EFR3A: variants seen among roughly 807,000 people sequenced by gnomAD.
The protein encoded by EFR3A is EFR3 homolog A, also known as protein EFR3 homolog A.
In EFR3A, 76 loss-of-function variants were observed where a neutral mutation model predicts 104.4. The ratio of observed to expected loss-of-function variants is 0.73; its 90% CI spans 0.60 to 0.88. The LOEUF is 0.88. EFR3A is among the 40% of genes least tolerant of loss of function. The pLI, the probability that EFR3A is intolerant of heterozygous loss-of-function variation, is 0.00. For missense variants in EFR3A, 985 were observed against 1,012.5 expected (o/e 0.97, Z 0.37); for synonymous variants, 330 against 330.0 (o/e 1.00, Z 0.00).
intron 1 of EFR3A, among the ~76,000 whole-genome samples, chr8:131,909,221 G>A (rs571025469): frequency 7.0e-4 from 106 of 152,242 alleles, no homozygotes; most frequent in African/African-American, 2.3e-3. Flanking sequence ...TACCATAACC[G>A]GAACTTTTTT....
chr8:131,907,647 TAA>T (rs1391704799), intron 1 of EFR3A, among the ~76,000 whole-genome samples: 1 of 152,248 alleles, frequency 6.6e-6, no homozygotes, highest in Non-Finnish European at 1.5e-5. Flanking sequence ...GAATGAATTA[TAA>T]AAGAGGGTTG....
In EFR3A at chr8:131,904,248, C is replaced by T. The variant is rs1008241693; in HGVS notation, c.-65C>T. 3.1e-6 allele frequency: 4 copies of T among 1,279,596 alleles called. No individual in the cohort carries two copies. The highest frequency in any genetic ancestry group is 3.1e-5 in the African/African-American group (2 of 64,770). The allele number at this position is 1,279,596 out of a possible 1,614,324, so 79.3% of individuals were successfully genotyped here. A position where few individuals can be genotyped will look rare whatever the true frequency, so the allele number is the denominator to read the frequency against. On this transcript the variant is annotated 5_prime_UTR_variant, in exon 1 of 23. Coordinates refer to ENST00000254624, the MANE Select transcript of EFR3A (RefSeq NM_015137.6). ...CGGCCCAGCAACGGCCGTCATGGTG[C>T]CGTCGGCGCTCCCTGCGCGGCCCCG...
At chr8:131,946,421 A>G (rs372635740) in intron 3 of EFR3A, 62 bp from the exon 4 acceptor site, 1 of 1,384,516 alleles carries the variant, frequency 7.2e-7, no homozygotes. Context: ...TTCCAATGTA[A>G]AGCACTTAGG....
Position 132,010,817 on chromosome 8 carries a change from G to T in EFR3A, c.2388G>T (p.Leu796=). ...CTCCTCCCAGTCCATCAGGAACACT[G>T]ACCATTACTTCTGGGCATGCCCAAT... ...IRPPPSPSGT[L]TITSGHAQYQ... The change falls in exon 23 of 23, where the codon CTG becomes CTT. Residue 796 remains leucine (L), a synonymous_variant. Transcript: ENST00000254624. 2 of 1,612,320 alleles carry T rather than the reference G, an allele frequency of 1.2e-6. No individual in the cohort carries two copies. The highest frequency in any genetic ancestry group is 1.7e-6 in the Non-Finnish European group (2 of 1,178,822).
intron 8 of EFR3A, among the ~76,000 whole-genome samples, chr8:131,966,439 A>G (rs1048711265): frequency 1.3e-5 from 2 of 152,180 alleles, no homozygotes; most frequent in African/African-American, 4.8e-5. Context: ...GTTATGTTCA[A>G]TGTTAATAGT....
chr8:131,990,069 G>A (rs1165325655), intron 18 of EFR3A, among the ~76,000 whole-genome samples: 5 of 152,192 alleles, frequency 3.3e-5, no homozygotes, highest in South Asian at 2.1e-4. Flanking sequence ...AGTATTAAGC[G>A]AGCACCTCCA....
At chr8:132,004,342 T>A (rs1027081655) in intron 22 of EFR3A, among the ~76,000 whole-genome samples, 34 of 152,148 alleles carry the variant, frequency 2.2e-4, no homozygotes, top group African/African-American at 8.0e-4. Flanking sequence ...AAGTGAACAT[T>A]ATTGTCTGAG....
intron 4 of EFR3A, among the ~76,000 whole-genome samples, chr8:131,948,007 T>C (rs1018500943): frequency 2.0e-5 from 3 of 152,140 alleles, no homozygotes; most frequent in African/African-American, 7.2e-5. Context: ...TAATATTTTT[T>C]CTCTTGTCTT....
chr8:131,931,131 AT>A (rs1817585692), intron 1 of EFR3A, among the ~76,000 whole-genome samples: 1 of 152,074 alleles, frequency 6.6e-6, no homozygotes, highest in African/African-American at 2.4e-5. Flanking sequence ...CCAGGGATTG[AT>A]TCAGAAAGTC....
At chr8:131,909,236 C>G (rs140013833) in intron 1 of EFR3A, among the ~76,000 whole-genome samples, 2,269 of 152,160 alleles carry the variant, frequency 0.015, 27 homozygotes, top group South Asian at 0.021. Flanking sequence ...TTTTTTTTCC[C>G]ATAAAGATAG....
At chr8:131,935,959 A>G (rs902690852) in intron 1 of EFR3A, among the ~76,000 whole-genome samples, 7 of 152,098 alleles carry the variant, frequency 4.6e-5, no homozygotes, top group African/African-American at 1.7e-4. Flanking sequence ...TGGTCAACCA[A>G]CCACTTACAA....
intron 7 of EFR3A, among the ~76,000 whole-genome samples, chr8:131,957,584 A>G (rs1285509757): frequency 1.3e-5 from 2 of 152,130 alleles, no homozygotes; most frequent in Non-Finnish European, 2.9e-5. Flanking sequence ...TCCCAACCTC[A>G]GGTGATCTGC....
Position 131,919,586 on chromosome 8 carries a change from A to C in EFR3A, c.10+15264A>C, listed in dbSNP as rs189605325. Among the ~76,000 whole-genome samples, 1,221 of 134,190 alleles carry C rather than the reference A, an allele frequency of 9.1e-3. 14 individuals carry two copies. The highest frequency in any genetic ancestry group is 0.034 in the African/African-American group (1,169 of 34,430). 88.0% of individuals were successfully genotyped at this position (134,190 alleles called of 152,430 possible). Reference sequence around the variant, plus strand: ...ACTCCAGCCTGGGCGACAGAGCAAGACTCCGTCTCAAAAAAAAAAAAAAAA... The same window carrying C: ...ACTCCAGCCTGGGCGACAGAGCAAGCCTCCGTCTCAAAAAAAAAAAAAAAA... On this transcript the variant is annotated intron_variant, in intron 1 of 22. Coordinates refer to ENST00000254624, the MANE Select transcript of EFR3A (RefSeq NM_015137.6).
At chr8:131,967,571 CA>C (rs34303335) in intron 8 of EFR3A, among the ~76,000 whole-genome samples, 47,161 of 114,252 alleles carry the variant, frequency 0.41, 7,512 homozygotes, top group East Asian at 0.63. Flanking sequence ...TGCTGTTCTT[CA>C]AAAAAAAAAA....
At chr8:131,979,053 A>G (rs1820468272) in intron 13 of EFR3A, 34 bp downstream of exon 13, 1 of 1,545,996 alleles carries the variant, frequency 6.5e-7, no homozygotes, top group African/African-American at 1.4e-5. Flanking sequence ...TCTAATGATA[A>G]TGTTTTTAAA....
At chr8:131,984,371 G>T (rs991445305) in intron 15 of EFR3A, 71 bp downstream of exon 15, 2 of 1,349,048 alleles carry the variant, frequency 1.5e-6, no homozygotes, top group Non-Finnish European at 2.0e-6. Context: ...AAATGTTGCC[G>T]TTATCCAAGG....
At chr8:132,006,689 A>G (rs1822073557) in intron 22 of EFR3A, among the ~76,000 whole-genome samples, 1 of 152,006 alleles carries the variant, frequency 6.6e-6, no homozygotes, top group South Asian at 2.1e-4. Context: ...TAACTTCAAC[A>G]CTTAAATGAG....
In EFR3A at chr8:131,968,355, G is replaced by T; in HGVS notation, c.916G>T (p.Asp306Tyr). 6.2e-7 allele frequency: 1 copy of T among 1,613,536 alleles called. No homozygotes were observed. The change falls in exon 9 of 23, where the codon GAT becomes TAT. Residue 306 changes from aspartate (D) to tyrosine (Y), a missense_variant. Transcript: ENST00000254624. ...AGGACACCTTGATGCTCGTAAAAAAGATGCTCCCCGGGTTCGAGCAGGTAT... is the reference window on the plus strand; with the variant it reads ...AGGACACCTTGATGCTCGTAAAAAATATGCTCCCCGGGTTCGAGCAGGTAT... ...ILGHLDARKK[D>Y]APRVRAGIIQ...
intron 1 of EFR3A, among the ~76,000 whole-genome samples, chr8:131,933,064 A>AAAAC (rs1358525140): frequency 2.6e-5 from 4 of 152,190 alleles, no homozygotes; most frequent in African/African-American, 9.6e-5. Flanking sequence ...TCTTTTTAAA[A>AAAAC]AAACAGTTAC....
Sources: allele counts gnomAD v4.1 joint callset (sites outside exome capture counted in the v4.1 genomes callset), GRCh38; gene constraint gnomAD v4.1.1; transcripts MANE v1.5; gene names NCBI Gene and HGNC (gene_info 2026-07-23, HGNC 2026-07-21).